Variants in SYT2 observed in about 807,000 individuals in gnomAD.
SYT2 encodes the protein synaptotagmin-2.
A neutral mutation model predicts 39.9 loss-of-function variants in SYT2; 15 were observed. The ratio of observed to expected loss-of-function variants is 0.38; its 90% CI spans 0.25 to 0.58. The LOEUF is 0.58. SYT2 is among the 20% of genes least tolerant of loss of function. The pLI is 0.70. For synonymous variants in SYT2, 181 were observed against 204.5 expected (o/e 0.89, Z 0.98); for missense variants, 389 against 530.3 (o/e 0.73, Z 2.62).
Position 202,621,637 on chromosome 1 carries a change from G to A in SYT2, c.-17-15848C>T, listed in dbSNP as rs183178418. On this transcript the variant is annotated intron_variant, in intron 1 of 8. Transcript: ENST00000367268. ...GCCAAAAGAGAGAACAAATGAGTGG[G>A]TTTGTGTAGCTCACCCAGAAATCGC... Among the ~76,000 whole-genome samples, 18 of 152,344 alleles carry A rather than the reference G, an allele frequency of 1.2e-4. No individual in the cohort carries two copies. In the East Asian group the frequency reaches 3.3e-3, roughly 28 times the overall value.
chr1:202,604,660 T>C (rs1690637208), intron 2 of SYT2, 39 bp from the exon 3 acceptor site: 7 of 1,598,726 alleles, frequency 4.4e-6, no homozygotes, highest in Non-Finnish European at 6.0e-6. Flanking sequence ...AGCAGTGCCA[T>C]GCCTTGCAGC....
intron 1 of SYT2, among the ~76,000 whole-genome samples, chr1:202,686,635 C>G (rs1572679409): frequency 6.6e-6 from 1 of 152,194 alleles, no homozygotes; most frequent in Non-Finnish European, 1.5e-5. Flanking sequence ...CCCTGCACCT[C>G]TAGGCCTGGA....
intron 1 of SYT2, among the ~76,000 whole-genome samples, chr1:202,645,742 G>T (rs113893745): frequency 6.6e-6 from 1 of 152,146 alleles, no homozygotes; most frequent in Non-Finnish European, 1.5e-5. Flanking sequence ...CCTCTTGGGC[G>T]GAAGTGGAAT....
chr1:202,613,165 C>T (rs1354571535), intron 1 of SYT2, among the ~76,000 whole-genome samples: 1 of 150,794 alleles, frequency 6.6e-6, no homozygotes, highest in Non-Finnish European at 1.5e-5. Context: ...ACTGCAACCT[C>T]CGCCTCCTGG....
intron 1 of SYT2, among the ~76,000 whole-genome samples, chr1:202,678,285 A>C (rs866809035): frequency 1.3e-3 from 189 of 148,544 alleles, no homozygotes; most frequent in African/African-American, 4.4e-3. Context: ...AAAAAAAAAA[A>C]AAAAAAAAAA....
At chr1:202,703,947 A>C (rs1654184912) in intron 1 of SYT2, among the ~76,000 whole-genome samples, 2 of 152,234 alleles carry the variant, frequency 1.3e-5, no homozygotes, top group South Asian at 4.1e-4. Context: ...CCACTGTATC[A>C]ACCCAATTAT....
rs1050468554 is a variant in SYT2 at position 202,623,964 on chromosome 1, A to G, written c.-17-18175T>C. On this transcript the variant is annotated intron_variant, in intron 1 of 8. Coordinates refer to ENST00000367268, the MANE Select transcript of SYT2 (RefSeq NM_177402.5). The surrounding 1 kb of genome is among the most constrained non-coding windows in gnomAD (Gnocchi z 4.2). Reference sequence around the variant, plus strand: ...CCGATATCTTTCATGCCAGATGCACATCTTCAATTTCAGCTACAAACTGTT... The same window carrying G: ...CCGATATCTTTCATGCCAGATGCACGTCTTCAATTTCAGCTACAAACTGTT... Among the ~76,000 whole-genome samples the G allele has an allele frequency of 5.3e-5, 8 of 152,230 alleles. No homozygotes were observed. Among genetic ancestry groups the G allele is most frequent in the African/African-American group, 9.6e-5 (4 of 41,458 alleles).
At chr1:202,692,863 C>T (rs888083698) in intron 1 of SYT2, among the ~76,000 whole-genome samples, 2 of 152,038 alleles carry the variant, frequency 1.3e-5, no homozygotes, top group Non-Finnish European at 2.9e-5. Flanking sequence ...AGTTCAAGAC[C>T]AGCCTGGGCA....
intron 1 of SYT2, among the ~76,000 whole-genome samples, chr1:202,695,608 T>G (rs1653954794): frequency 6.6e-6 from 1 of 152,204 alleles, no homozygotes; most frequent in Non-Finnish European, 1.5e-5. Context: ...TTGAGAGATG[T>G]GAATTGGGGA....
chr1:202,614,237 G>C lies in SYT2; in HGVS notation c.-17-8448C>G. On this transcript the variant is annotated intron_variant, in intron 1 of 8. Transcript: ENST00000367268. The surrounding 1 kb of genome is among the most constrained non-coding windows in gnomAD (Gnocchi z 4.0). ...TCTGCAGGCCAGGAATGAAGGGGGAGAACTGCATCTCAGGAGTGTTGGAGT... is the reference window on the plus strand; with the variant it reads ...TCTGCAGGCCAGGAATGAAGGGGGACAACTGCATCTCAGGAGTGTTGGAGT... Among the ~76,000 whole-genome samples, 1 of 152,348 alleles carries C rather than the reference G, an allele frequency of 6.6e-6. No individual in the cohort carries two copies. The highest frequency in any genetic ancestry group is 1.9e-4 in the East Asian group (1 of 5,190).
Position 202,596,629 on chromosome 1 carries a change from A to T in SYT2, c.*128T>A, listed in dbSNP as rs1048608995. ...GTCTTTAAAAAGAGAAAAACAAGGA[A>T]AAACAAGGACACAACCACCCAACAA... On this transcript the variant is annotated 3_prime_UTR_variant, in exon 9 of 9. Coordinates refer to ENST00000367268, the MANE Select transcript of SYT2 (RefSeq NM_177402.5). The T allele has an allele frequency of 1.1e-6, 1 of 925,808 alleles. No individual in the cohort carries two copies. The highest frequency in any genetic ancestry group is 1.6e-6 in the Non-Finnish European group (1 of 628,596). The allele number at this position is 925,808 out of a possible 1,614,324, so 57.3% of individuals were successfully genotyped here. A position where few individuals can be genotyped will look rare whatever the true frequency, so the allele number is the denominator to read the frequency against.
Position 202,702,818 on chromosome 1 carries a change from A to C in SYT2, c.-18+7440T>G, listed in dbSNP as rs139634677. On this transcript the variant is annotated intron_variant, in intron 1 of 8. Transcript: ENST00000367268. ...GAGGTAAAGACCTGTACATTTGTTA[A>C]ATGGGCTTTTCTCCAAATAAACACA... Among the ~76,000 whole-genome samples, 1,126 of 152,310 alleles carry C rather than the reference A, an allele frequency of 7.4e-3. 17 individuals carry two copies. The highest frequency in any genetic ancestry group is 0.026 in the African/African-American group (1,088 of 41,570).
intron 1 of SYT2, chr1:202,636,296 G>A: frequency 1.1e-6 from 1 of 901,918 alleles, no homozygotes; most frequent in African/African-American, 1.8e-5. Flanking sequence ...GCCTCACTGG[G>A]AGAGCAGTCC....
intron 1 of SYT2, among the ~76,000 whole-genome samples, chr1:202,685,168 A>G (rs1223402791): frequency 6.6e-6 from 1 of 152,224 alleles, no homozygotes; most frequent in Non-Finnish European, 1.5e-5. Context: ...CCTCCTAAGG[A>G]GTAAAATAAA....
At chr1:202,703,642 G>C (rs930534534) in intron 1 of SYT2, among the ~76,000 whole-genome samples, 1 of 152,124 alleles carries the variant, frequency 6.6e-6, no homozygotes, top group Non-Finnish European at 1.5e-5. Flanking sequence ...AAGGTCCGGA[G>C]GGAGCCTGTG....
At position 202,596,699 on chromosome 1, in the gene SYT2, T is replaced by G. The variant is rs890768229; in HGVS notation, c.*58A>C. ...CTCTAAGGTTGCATAACTGAGGTAT[T>G]GATAGCTCTGGATCTTGTCAGTGTC... On this transcript the variant is annotated 3_prime_UTR_variant, in exon 9 of 9. Transcript: ENST00000367268. 2 of 1,517,372 alleles carry G rather than the reference T, an allele frequency of 1.3e-6. No homozygotes were observed. Among genetic ancestry groups the G allele is most frequent in the Non-Finnish European group, 1.8e-6 (2 of 1,105,138 alleles). 94.0% of individuals were successfully genotyped at this position (1,517,372 alleles called of 1,614,324 possible).
intron 1 of SYT2, among the ~76,000 whole-genome samples, chr1:202,674,857 C>T (rs1274704212): frequency 6.6e-6 from 1 of 152,200 alleles, no homozygotes; most frequent in Non-Finnish European, 1.5e-5. Context: ...GGCCGGCCCC[C>T]TCCCCCACTG....
At chr1:202,694,622 G>A (rs1462347296) in intron 1 of SYT2, among the ~76,000 whole-genome samples, 1 of 151,900 alleles carries the variant, frequency 6.6e-6, no homozygotes, top group Non-Finnish European at 1.5e-5. Context: ...TAACATTACG[G>A]CACTGATAAA....
chr1:202,656,226 T>C (rs1227533375), intron 1 of SYT2, among the ~76,000 whole-genome samples: 1 of 152,144 alleles, frequency 6.6e-6, no homozygotes, highest in Non-Finnish European at 1.5e-5. Context: ...TCACGGAGCA[T>C]CAGCCTGGTC....
Sources: allele counts gnomAD v4.1 joint callset (sites outside exome capture counted in the v4.1 genomes callset), GRCh38; gene constraint gnomAD v4.1.1; non-coding constraint Gnocchi (gnomAD v3.1); transcripts MANE v1.5; gene names NCBI Gene and HGNC (gene_info 2026-07-23, HGNC 2026-07-21).